The following UBE2R2 variants were observed in gnomAD, a reference collection of about 807,000 sequenced individuals.
The protein encoded by UBE2R2 is ubiquitin conjugating enzyme E2 R2.
Under a neutral mutation model 27.8 loss-of-function variants are expected in UBE2R2, and 1 was observed. The ratio of observed to expected loss-of-function variants is 0.04; its 90% CI spans 0.01 to 0.17. The LOEUF (loss-of-function observed/expected upper bound fraction) is 0.17. Among genes scored for constraint, UBE2R2 ranks in the 10% least tolerant of loss-of-function variants. The pLI, the probability that UBE2R2 is intolerant of heterozygous loss-of-function variation, is 1.00. For missense variants in UBE2R2, 100 were observed against 291.0 expected (o/e 0.34, Z 4.78); for synonymous variants, 106 against 113.3 (o/e 0.94, Z 0.41).
At chr9:33,844,407 T>C (rs918049757) in intron 1 of UBE2R2, among the ~76,000 whole-genome samples, 1 of 152,114 alleles carries the variant, frequency 6.6e-6, no homozygotes, top group African/African-American at 2.4e-5. Context: ...CTTCACCATG[T>C]TGGTCAGGCT....
chr9:33,843,110 C>T (rs1219398044), intron 1 of UBE2R2, among the ~76,000 whole-genome samples: 2 of 140,484 alleles, frequency 1.4e-5, no homozygotes, highest in Non-Finnish European at 3.0e-5. Context: ...TGCAGTGGCA[C>T]GATCTTGGCT....
chr9:33,825,941 A>G (rs765339009), intron 1 of UBE2R2, among the ~76,000 whole-genome samples: 10 of 152,058 alleles, frequency 6.6e-5, no homozygotes, highest in Non-Finnish European at 1.3e-4. Flanking sequence ...TCAGGAGTTC[A>G]AGACCAGCAT....
chr9:33,916,957 T>C, intron 4 of UBE2R2, 61 bp from the exon 5 acceptor site: 1 of 1,589,544 alleles, frequency 6.3e-7, no homozygotes, highest in Non-Finnish European at 8.5e-7. Flanking sequence ...TTAAGGCCAA[T>C]TATAAATCTG....
intron 1 of UBE2R2, among the ~76,000 whole-genome samples, chr9:33,856,107 C>T (rs998111487): frequency 1.3e-5 from 2 of 152,050 alleles, no homozygotes; most frequent in Admixed American, 6.6e-5. Context: ...CTGGTTTTAC[C>T]GTGTACACAC....
intron 1 of UBE2R2, among the ~76,000 whole-genome samples, chr9:33,864,806 C>G (rs1363071261): frequency 6.6e-6 from 1 of 151,178 alleles, no homozygotes; most frequent in Non-Finnish European, 1.5e-5. Context: ...CTCACTGCAA[C>G]CTCCGCCTCC....
rs571400056 is a variant in UBE2R2, at chr9:33,863,567, G to A, written c.178-23314G>A. ...GTGCATGGTAGATTTAGTGTTTTTC[G>A]TGAAAAATTTAGAAAGAATATAATT... On this transcript the variant is annotated intron_variant, in intron 1 of 4. Coordinates refer to ENST00000263228, the MANE Select transcript of UBE2R2 (RefSeq NM_017811.4). 7.9e-5 allele frequency among the ~76,000 whole-genome samples: 12 copies of A among 151,446 alleles called. 1 individual carries two copies. The South Asian group carries it at 1.5e-3, about 18-fold the overall frequency.
At chr9:33,864,306 T>C (rs73488994) in intron 1 of UBE2R2, among the ~76,000 whole-genome samples, 1,787 of 152,214 alleles carry the variant, frequency 0.012, 35 homozygotes, top group African/African-American at 0.04. Context: ...AGAAGATCAG[T>C]TACCCAGGAT....
At chr9:33,888,331 T>A (rs1166739048) in intron 2 of UBE2R2, among the ~76,000 whole-genome samples, 2 of 152,192 alleles carry the variant, frequency 1.3e-5, no homozygotes, top group Non-Finnish European at 2.9e-5. Flanking sequence ...AAAAAAATTC[T>A]GTAATCTTTT....
chr9:33,890,232 A>G (rs1436295031), intron 2 of UBE2R2, among the ~76,000 whole-genome samples: 1 of 152,226 alleles, frequency 6.6e-6, no homozygotes, highest in Non-Finnish European at 1.5e-5. Flanking sequence ...TTTCTACAAT[A>G]AAATGCATGC....
At chr9:33,909,169 C>CT (rs1398218225) in intron 3 of UBE2R2, among the ~76,000 whole-genome samples, 5 of 152,050 alleles carry the variant, frequency 3.3e-5, no homozygotes, top group Admixed American at 6.6e-5. Context: ...GTTATTAGTA[C>CT]ACAGTACTGA....
chr9:33,831,091 A>G (rs1820465922), intron 1 of UBE2R2: 1 of 138,828 alleles, frequency 7.2e-6, no homozygotes, highest in African/African-American at 2.6e-5. Context: ...AAAAAAAAAA[A>G]AAAAAAGAAT....
chr9:33,900,432 T>C (rs1822218687), intron 3 of UBE2R2, among the ~76,000 whole-genome samples, 161 bp downstream of exon 3: 1 of 152,216 alleles, frequency 6.6e-6, no homozygotes, highest in African/African-American at 2.4e-5. Context: ...GTATGCGTCA[T>C]TTTGAAGAGC....
chr9:33,873,197 A>AG (rs1290254661), intron 1 of UBE2R2, among the ~76,000 whole-genome samples: 8 of 142,402 alleles, frequency 5.6e-5, no homozygotes, highest in Admixed American at 1.4e-4. Flanking sequence ...AAAAAAAAAA[A>AG]GATCTAATAT....
chr9:33,848,583 T>C (rs534623336), intron 1 of UBE2R2, among the ~76,000 whole-genome samples: 15 of 152,234 alleles, frequency 9.9e-5, no homozygotes, highest in Admixed American at 2.0e-4. Context: ...CCTCTAGCTC[T>C]GACACCATAC....
intron 1 of UBE2R2, among the ~76,000 whole-genome samples, chr9:33,877,721 T>G (rs1481519251): frequency 6.6e-6 from 1 of 152,108 alleles, no homozygotes; most frequent in African/African-American, 2.4e-5. Context: ...AGTATTATAA[T>G]CTAAGGGCAA....
At chr9:33,877,821 C>CTGTCTGTCTG (rs1821640516) in intron 1 of UBE2R2, among the ~76,000 whole-genome samples, 1 of 144,128 alleles carries the variant, frequency 6.9e-6, no homozygotes, top group African/African-American at 2.6e-5. Flanking sequence ...GTCTGTCTGT[C>CTGTCTGTCTG]TGTCTCTCTC....
At chr9:33,886,745 T>C (rs1821867807) in intron 1 of UBE2R2, 136 bp from the exon 2 acceptor site, 2 of 615,288 alleles carry the variant, frequency 3.3e-6, no homozygotes, top group Non-Finnish European at 2.6e-6. Flanking sequence ...TAACAAAGTA[T>C]GTCTGAGCTA....
intron 1 of UBE2R2, among the ~76,000 whole-genome samples, chr9:33,877,242 C>T (rs925476493): frequency 6.8e-6 from 1 of 146,936 alleles, no homozygotes; most frequent in African/African-American, 2.5e-5. Flanking sequence ...AGTGCAGTGG[C>T]GCGATCTCGG....
chr9:33,870,047 A>C (rs979467367), intron 1 of UBE2R2, among the ~76,000 whole-genome samples: 2 of 151,894 alleles, frequency 1.3e-5, no homozygotes, highest in Non-Finnish European at 2.9e-5. Context: ...AGGTTTCACT[A>C]TATTGGTCAG....
Sources: gnomAD v4.1 joint callset for allele counts (sites outside exome capture counted in the v4.1 genomes callset) on GRCh38, gnomAD v4.1.1 for gene constraint, MANE v1.5 for transcripts, NCBI Gene and HGNC (gene_info 2026-07-23, HGNC 2026-07-21) for gene names.